The following TENM3 variants were observed in gnomAD, a reference collection of about 807,000 sequenced individuals.
TENM3 encodes the protein teneurin-3.
Under a neutral mutation model 255.1 loss-of-function variants are expected in TENM3, and 63 were observed. That is an observed-to-expected ratio of 0.25 (90% CI 0.20 to 0.30). The LOEUF is 0.30. Ranked by LOEUF, TENM3 falls within the 10% of genes least tolerant of loss-of-function variation. TENM3 has a pLI of 1.00. For synonymous variants in TENM3, 1,306 were observed against 1,322.3 expected (o/e 0.99, Z 0.27); for missense variants, 2,929 against 3,461.1 (o/e 0.85, Z 3.86).
chr4:182,076,417 C>T, the TENM3 span, among the ~76,000 whole-genome samples: 6 of 151,856 alleles, frequency 4.0e-5, no homozygotes, highest in Admixed American at 6.6e-5. Flanking sequence ...TTGGCCAGGA[C>T]GGTCTCGATC....
At chr4:182,251,954 G>A (rs543514106) in intron 1 of TENM3, among the ~76,000 whole-genome samples, 3 of 152,074 alleles carry the variant, frequency 2.0e-5, no homozygotes, top group Non-Finnish European at 4.4e-5. Context: ...AGGCTGAGGT[G>A]GGCAGATCAC....
intron 1 of TENM3, among the ~76,000 whole-genome samples, chr4:182,161,807 A>AAATATATGTG (rs1561153540): frequency 1.9e-5 from 1 of 52,086 alleles, no homozygotes; most frequent in South Asian, 7.1e-4. Context: ...ATATATACAC[A>AAATATATGTG]TATATATGTA....
Position 182,716,609 on chromosome 4 carries a change from C to T in TENM3, c.2368+2376C>T, listed in dbSNP as rs367557582. 5.9e-5 allele frequency among the ~76,000 whole-genome samples: 9 copies of T among 152,282 alleles called. No homozygotes were observed. The East Asian group carries it at 7.7e-4, about 13-fold the overall frequency. Reference sequence around the variant, plus strand: ...CTGGATGCTTTATAACCTAAGCCAGCGGGTTCTTTGAACTTAAGCATAAGC... The same window carrying T: ...CTGGATGCTTTATAACCTAAGCCAGTGGGTTCTTTGAACTTAAGCATAAGC... On this transcript the variant is annotated intron_variant, in intron 13 of 27. Coordinates refer to ENST00000511685, the MANE Select transcript of TENM3 (RefSeq NM_001080477.4).
intron 3 of TENM3, among the ~76,000 whole-genome samples, chr4:182,600,534 A>G (rs181637271): frequency 6.6e-6 from 1 of 152,320 alleles, no homozygotes; most frequent in East Asian, 1.9e-4. Context: ...TTTGTGTTCT[A>G]CTGAAATTAC....
chr4:181,635,916 G>A, the TENM3 span, among the ~76,000 whole-genome samples: 3 of 151,924 alleles, frequency 2.0e-5, no homozygotes, highest in Non-Finnish European at 4.4e-5. Context: ...GCAACTGGGG[G>A]GAAATTACAT....
the TENM3 span, among the ~76,000 whole-genome samples, chr4:181,665,694 A>G: frequency 9.9e-5 from 15 of 152,134 alleles, no homozygotes; most frequent in African/African-American, 3.6e-4. Context: ...ATATATACAC[A>G]CACGTACCCT....
intron 3 of TENM3, among the ~76,000 whole-genome samples, chr4:182,536,597 A>G (rs1011274757): frequency 1.3e-5 from 2 of 152,232 alleles, no homozygotes; most frequent in Non-Finnish European, 2.9e-5. Context: ...CTTGCTGGAA[A>G]GAAATAAGCA....
intron 4 of TENM3, among the ~76,000 whole-genome samples, chr4:182,625,454 T>G (rs1200336354): frequency 2.0e-5 from 3 of 152,094 alleles, no homozygotes; most frequent in African/African-American, 7.2e-5. Context: ...TGATCTGAGG[T>G]GGAAAAGTTT....
intron 1 of TENM3, among the ~76,000 whole-genome samples, chr4:182,304,741 C>G (rs755146090): frequency 6.6e-6 from 1 of 152,116 alleles, no homozygotes; most frequent in African/African-American, 2.4e-5. Context: ...TCTCACCTGT[C>G]GTGTCCAATA....
chr4:182,470,049 G>A (rs776002216), intron 3 of TENM3, among the ~76,000 whole-genome samples: 8 of 152,146 alleles, frequency 5.3e-5, no homozygotes, highest in Non-Finnish European at 1.2e-4. Context: ...CCAAGTGACC[G>A]TGAATGCTAA....
At chr4:181,826,276 G>A in the TENM3 span, among the ~76,000 whole-genome samples, 16 of 152,150 alleles carry the variant, frequency 1.1e-4, no homozygotes, top group South Asian at 2.5e-3. Flanking sequence ...ATAAGCCGGA[G>A]AAAAAGTGGC....
At chr4:182,426,870 C>A (rs1157298746) in intron 3 of TENM3, among the ~76,000 whole-genome samples, 1 of 152,058 alleles carries the variant, frequency 6.6e-6, no homozygotes, top group Non-Finnish European at 1.5e-5. Context: ...AATTATAGTA[C>A]CCCTGTGTTC....
chr4:181,869,307 C>A, the TENM3 span, among the ~76,000 whole-genome samples: 1 of 152,036 alleles, frequency 6.6e-6, no homozygotes, highest in African/African-American at 2.4e-5. Context: ...ACCTATGTCA[C>A]CTTACATATG....
chr4:181,758,867 A>G, the TENM3 span, among the ~76,000 whole-genome samples: 1 of 152,210 alleles, frequency 6.6e-6, no homozygotes. Context: ...TCCACTTTTA[A>G]AGAAGTAAAT....
chr4:182,160,095 C>T lies in TENM3; in HGVS notation c.-76+15341C>T, dbSNP rs1050973820. Among the ~76,000 whole-genome samples the T allele has an allele frequency of 7.3e-5, 11 of 149,980 alleles. No homozygotes were observed. The East Asian group carries it at 1.9e-3, about 27-fold the overall frequency. On this transcript the variant is annotated intron_variant, in intron 1 of 2. Transcript: ENST00000512480. ...TCGGCTCACTGCAAGCTCCGCTTCC[C>T]GGGTTCACGCCATTCTCCTGCCTCA...
chr4:182,264,403 C>T (rs181018201), intron 1 of TENM3, among the ~76,000 whole-genome samples: 52 of 152,292 alleles, frequency 3.4e-4, no homozygotes, highest in African/African-American at 1.2e-3. Flanking sequence ...AACCACGTGG[C>T]GGTACTTTCT....
intron 3 of TENM3, among the ~76,000 whole-genome samples, chr4:182,547,320 C>T (rs573262948): frequency 7.9e-5 from 12 of 152,034 alleles, no homozygotes; most frequent in Non-Finnish European, 1.2e-4. Flanking sequence ...TTACTTTTCT[C>T]GTGCTTTTCA....
chr4:182,359,941 A>G (rs1366233189), intron 3 of TENM3, among the ~76,000 whole-genome samples: 7 of 151,712 alleles, frequency 4.6e-5, no homozygotes, highest in Admixed American at 4.6e-4. Flanking sequence ...CGTTGGTTTC[A>G]AAGAACATCT....
chr4:182,228,248 A>C (rs2149999058), intron 1 of TENM3, among the ~76,000 whole-genome samples: 1 of 152,082 alleles, frequency 6.6e-6, no homozygotes, highest in African/African-American at 2.4e-5. Flanking sequence ...CCACAAAATA[A>C]AAGACTGTGA....
Sources: gnomAD v4.1 joint callset for allele counts (sites outside exome capture counted in the v4.1 genomes callset) on GRCh38, gnomAD v4.1.1 for gene constraint, MANE v1.5 for transcripts, NCBI Gene and HGNC (gene_info 2026-07-23, HGNC 2026-07-21) for gene names.